SLA: variants seen among roughly 807,000 people sequenced by gnomAD.
SLA encodes Src like adaptor.
SLA carries 16 observed loss-of-function variants against 30.3 expected under a neutral mutation model. The observed-to-expected ratio is 0.53, with a 90% CI of 0.36 to 0.80. The LOEUF is 0.80. SLA is among the 30% of genes least tolerant of loss of function. The pLI is 0.01. For missense variants in SLA, 310 were observed against 345.2 expected, an observed-to-expected ratio of 0.90 and a Z score of 0.81; for synonymous variants, 143 against 137.8, an observed-to-expected ratio of 1.04 and a Z score of -0.26.
At chr8:133,077,459 C>T (rs921696523) in intron 1 of SLA, among the ~76,000 whole-genome samples, 1 of 152,124 alleles carries the variant, frequency 6.6e-6, no homozygotes, top group Non-Finnish European at 1.5e-5. Context: ...GTTTATGACC[C>T]TCCCTTTCGC....
chr8:133,059,203 A>G, intron 3 of SLA: 1 of 450,652 alleles, frequency 2.2e-6, no homozygotes, highest in Non-Finnish European at 4.5e-6. Context: ...CTGCGAGGAA[A>G]TGGGACACCA....
intron 1 of SLA, among the ~76,000 whole-genome samples, chr8:133,085,607 T>G (rs180890342): frequency 1.8e-4 from 27 of 152,258 alleles, no homozygotes; most frequent in African/African-American, 6.0e-4. Flanking sequence ...AGCAAAAGAT[T>G]CTTAACACTA....
intron 1 of SLA, chr8:133,095,166 C>G: frequency 6.2e-7 from 1 of 1,614,226 alleles, no homozygotes; most frequent in Non-Finnish European, 8.5e-7. Flanking sequence ...TGTCCTGCCT[C>G]CGCCAGAAGC....
chr8:133,093,627 G>T (rs73354637), intron 1 of SLA, among the ~76,000 whole-genome samples: 5,480 of 152,220 alleles, frequency 0.036, 337 homozygotes, highest in African/African-American at 0.13. Flanking sequence ...CCATGCACTT[G>T]TGTTTTTCCT....
intron 5 of SLA, 47 bp downstream of exon 5, chr8:133,049,855 A>G: frequency 8.4e-7 from 1 of 1,192,454 alleles, no homozygotes; most frequent in East Asian, 2.3e-5. Flanking sequence ...ATGAGTCACC[A>G]GCATACGCAT....
intron 6 of SLA, chr8:133,047,578 C>T (rs1359925091): frequency 3.9e-6 from 2 of 518,718 alleles, no homozygotes; most frequent in African/African-American, 3.8e-5. Context: ...GAAAAATTTC[C>T]AGCAGGAGTC....
Position 133,058,648 on chromosome 8 carries a change from G to T in SLA, c.61+1452C>A, listed in dbSNP as rs150111963. ...GAGGAGGAGGCTGTGGCCAAAGCCAGTTTGGAGAGGGTGAGAAAGAGCCCG... is the reference window on the plus strand; with the variant it reads ...GAGGAGGAGGCTGTGGCCAAAGCCATTTTGGAGAGGGTGAGAAAGAGCCCG... On this transcript the variant is annotated intron_variant, in intron 3 of 8. Transcript: ENST00000338087. 1.9e-3 allele frequency among the ~76,000 whole-genome samples: 285 copies of T among 152,294 alleles called. 3 individuals are homozygous for T. Among genetic ancestry groups the T allele is most frequent in the African/African-American group, 6.5e-3 (270 of 41,562 alleles).
chr8:133,074,996 A>C lies in SLA; in HGVS notation c.-184T>G. The C allele has an allele frequency of 3.0e-6, 3 of 985,488 alleles. No individual in the cohort carries two copies. The highest frequency in any genetic ancestry group is 3.6e-6 in the Non-Finnish European group (3 of 829,966). 61.0% of individuals were successfully genotyped at this position (985,488 alleles called of 1,614,324 possible). ...TCTCGCGGTTGTGGAGAAGCAGCCC[A>C]TGCTACACAGAAGAACTGCAGTTGC... On this transcript the variant is annotated 5_prime_UTR_variant, in exon 2 of 9. It removes an upstream start codon present in the reference 5' UTR. Coordinates refer to ENST00000338087, the MANE Select transcript of SLA (RefSeq NM_001045556.3).
At position 133,053,848 on chromosome 8, in the gene SLA, T is replaced by C. The variant is rs752912970; in HGVS notation, c.62-2933A>G. ...GTGGAATTTCCGTAATAGTGATGTTTTGATAGCTATGGCACTTAAACATCA... is the reference window on the plus strand; with the variant it reads ...GTGGAATTTCCGTAATAGTGATGTTCTGATAGCTATGGCACTTAAACATCA... On this transcript the variant is annotated intron_variant, in intron 3 of 8. Coordinates refer to ENST00000338087, the MANE Select transcript of SLA (RefSeq NM_001045556.3). Among the ~76,000 whole-genome samples, 48 of 152,370 alleles carry C rather than the reference T, an allele frequency of 3.2e-4. 1 individual carries two copies. Among genetic ancestry groups the C allele is most frequent in the Admixed American group, 1.7e-3 (26 of 15,312 alleles).
At chr8:133,068,010 G>C (rs1216331552) in intron 2 of SLA, among the ~76,000 whole-genome samples, 2 of 152,110 alleles carry the variant, frequency 1.3e-5, no homozygotes, top group Non-Finnish European at 2.9e-5. Context: ...AGATGAAAGG[G>C]AGTAGCTGCC....
chr8:133,044,050 G>A (rs918660710), intron 7 of SLA, among the ~76,000 whole-genome samples: 1 of 152,166 alleles, frequency 6.6e-6, no homozygotes, highest in Admixed American at 6.5e-5. Flanking sequence ...TTGGGAGGGG[G>A]AACTACTAGT....
chr8:133,053,696 A>C (rs1448350400), intron 3 of SLA, among the ~76,000 whole-genome samples: 1 of 152,234 alleles, frequency 6.6e-6, no homozygotes, highest in Non-Finnish European at 1.5e-5. Context: ...CTAACATTAA[A>C]AACAAAAACC....
At position 133,091,883 on chromosome 8, in the gene SLA, G is replaced by A. The variant is rs985670930; in HGVS notation, c.-319+10670C>T. 3.3e-5 allele frequency among the ~76,000 whole-genome samples: 5 copies of A among 151,994 alleles called. No individual in the cohort carries two copies. In the East Asian group the frequency reaches 5.8e-4, roughly 18 times the overall value. ...TGTAAGTGTGTATCTCTGTGTGAGT[G>A]TGTCTCTATCTATGACTGTGTGTCT... On this transcript the variant is annotated intron_variant, in intron 1 of 8. Coordinates refer to ENST00000338087, the MANE Select transcript of SLA (RefSeq NM_001045556.3).
At chr8:133,052,697 G>A (rs146954391) in intron 3 of SLA, among the ~76,000 whole-genome samples, 7 of 152,344 alleles carry the variant, frequency 4.6e-5, no homozygotes, top group African/African-American at 1.7e-4. Flanking sequence ...AGGGCATAAA[G>A]CTTAAGCAAA....
At chr8:133,085,947 T>C (rs28402248) in intron 1 of SLA, among the ~76,000 whole-genome samples, 44,905 of 152,066 alleles carry the variant, frequency 0.3, 6,839 homozygotes, top group African/African-American at 0.34. Context: ...TTATTCATAA[T>C]TGGCAAAAAG....
chr8:133,065,484 G>A (rs1343958842), intron 2 of SLA, among the ~76,000 whole-genome samples: 4 of 152,276 alleles, frequency 2.6e-5, no homozygotes, highest in Middle Eastern at 3.4e-3. Flanking sequence ...TTATCAGGCC[G>A]GGCGCGGTGG....
chr8:133,068,473 T>C lies in SLA; in HGVS notation c.-41+6380A>G, dbSNP rs16904819. Among the ~76,000 whole-genome samples the C allele has an allele frequency of 9.8e-3, 1,497 of 152,364 alleles. 23 individuals are homozygous for C. The highest frequency in any genetic ancestry group is 0.035 in the African/African-American group (1,437 of 41,582). ...AGCCAGATTTGAGGCCTGTCAATGC[T>C]GGGGCAAGTTTTAATTCCATTCTTT... On this transcript the variant is annotated intron_variant, in intron 2 of 8. Coordinates refer to ENST00000338087, the MANE Select transcript of SLA (RefSeq NM_001045556.3).
At chr8:133,053,027 G>A (rs1840709403) in intron 3 of SLA, among the ~76,000 whole-genome samples, 1 of 152,206 alleles carries the variant, frequency 6.6e-6, no homozygotes, top group South Asian at 2.1e-4. Flanking sequence ...TCGGCTACAT[G>A]TGATGGGCCT....
intron 2 of SLA, among the ~76,000 whole-genome samples, chr8:133,071,354 C>T (rs1387461168): frequency 1.3e-5 from 2 of 152,188 alleles, no homozygotes; most frequent in African/African-American, 4.8e-5. Context: ...GGAATCCAGG[C>T]ATCTGGCTCT....
Sources: gnomAD v4.1 joint callset for allele counts (sites outside exome capture counted in the v4.1 genomes callset) on GRCh38, gnomAD v4.1.1 for gene constraint, MANE v1.5 for transcripts, NCBI Gene and HGNC (gene_info 2026-07-23, HGNC 2026-07-21) for gene names.